Variants in RBFOX1 observed in about 807,000 individuals in gnomAD.
RBFOX1 encodes the protein RNA binding protein fox-1 homolog 1.
A neutral mutation model predicts 57.7 loss-of-function variants in RBFOX1; 8 were observed. The observed-to-expected ratio is 0.14, with a 90% CI of 0.08 to 0.25. RBFOX1 has a LOEUF of 0.25. RBFOX1 is among the 10% of genes least tolerant of loss of function. The pLI is 1.00. For synonymous variants in RBFOX1, 326 were observed against 222.4 expected, an observed-to-expected ratio of 1.47 and a Z score of -4.15; for missense variants, 611 against 548.5, an observed-to-expected ratio of 1.11 and a Z score of -1.14.
chr16:5,944,790 T>TAAAGAAAAAAAAAAAAAAAAAAAAAAAA, intron 4 of RBFOX1, among the ~76,000 whole-genome samples: 1 of 41,258 alleles, frequency 2.4e-5, no homozygotes, highest in Non-Finnish European at 4.8e-5. Flanking sequence ...CTGTCTCTGC[T>TAAAGAAAAAAAAAAAAAAAAAAAAAAAA]AAAAAAAAAA....
At chr16:7,385,297 G>C (rs544539170) in intron 4 of RBFOX1, among the ~76,000 whole-genome samples, 38 of 152,346 alleles carry the variant, frequency 2.5e-4, no homozygotes, top group African/African-American at 8.9e-4. Flanking sequence ...AAGCTGTCTG[G>C]GAGTCCAGGC....
At position 6,019,323 on chromosome 16, in the gene RBFOX1, G is replaced by A. The variant is rs1458829790; in HGVS notation, c.-796G>A. 1.2e-5 allele frequency: 12 copies of A among 985,274 alleles called. No homozygotes were observed. Among genetic ancestry groups the A allele is most frequent in the African/African-American group, 1.8e-5 (1 of 57,118 alleles). The allele number at this position is 985,274 out of a possible 1,614,324, so 61.0% of individuals were successfully genotyped here. On this transcript the variant is annotated 5_prime_UTR_variant, in exon 1 of 16. Coordinates refer to ENST00000550418, the MANE Select transcript of RBFOX1 (RefSeq NM_018723.4). This position sits in a 1 kb window ranked among gnomAD's most constrained non-coding sequence, Gnocchi z 4.2. ...CACCTCCTTTCCAGTCCCCGTGCGA[G>A]CCGCGCTGCCGCCGCCTCCTCCAGC...
intron 4 of RBFOX1, among the ~76,000 whole-genome samples, chr16:7,423,578 C>T (rs1449024202): frequency 6.6e-6 from 1 of 152,114 alleles, no homozygotes; most frequent in African/African-American, 2.4e-5. Context: ...CCTCACACTA[C>T]TGGAAAGGAG....
chr16:7,696,362 T>C (rs1282370360), intron 14 of RBFOX1, among the ~76,000 whole-genome samples: 2 of 152,074 alleles, frequency 1.3e-5, no homozygotes, highest in Non-Finnish European at 2.9e-5. Flanking sequence ...CTTTGATGAG[T>C]TGGATTCTTC....
At chr16:7,206,959 G>T (rs769677399) in intron 4 of RBFOX1, among the ~76,000 whole-genome samples, 1 of 152,172 alleles carries the variant, frequency 6.6e-6, no homozygotes, top group African/African-American at 2.4e-5. Flanking sequence ...CCCACTTACA[G>T]TGCACAGAGC....
At chr16:5,863,562 T>C (rs2057277115) in intron 3 of RBFOX1, among the ~76,000 whole-genome samples, 1 of 152,194 alleles carries the variant, frequency 6.6e-6, no homozygotes, top group Non-Finnish European at 1.5e-5. Flanking sequence ...TGGGTGCACA[T>C]TCATGAATAC....
chr16:7,412,383 C>G (rs912893220), intron 4 of RBFOX1, among the ~76,000 whole-genome samples: 6 of 145,770 alleles, frequency 4.1e-5, no homozygotes, highest in African/African-American at 1.3e-4. Flanking sequence ...CCAGTGCACT[C>G]CAGGCTGGGC....
chr16:7,218,730 G>T (rs2092473629), intron 4 of RBFOX1, among the ~76,000 whole-genome samples: 1 of 140,714 alleles, frequency 7.1e-6, no homozygotes, highest in African/African-American at 2.6e-5. Flanking sequence ...ATCTTAAAGT[G>T]TTTTTTTTTT....
chr16:6,478,448 G>C (rs1382785089), intron 2 of RBFOX1, among the ~76,000 whole-genome samples: 1 of 42,510 alleles, frequency 2.4e-5, no homozygotes, highest in Admixed American at 2.4e-4. Flanking sequence ...TTTTTTTTTT[G>C]TATTTTTAGT....
chr16:6,429,251 C>G (rs1018336292), intron 2 of RBFOX1, among the ~76,000 whole-genome samples: 2 of 152,204 alleles, frequency 1.3e-5, no homozygotes, highest in Non-Finnish European at 2.9e-5. Flanking sequence ...GAGAAAAGGT[C>G]TTGATGAAGG....
intron 3 of RBFOX1, among the ~76,000 whole-genome samples, chr16:5,667,871 T>G (rs1442384019): frequency 1.3e-5 from 2 of 152,186 alleles, no homozygotes; most frequent in Admixed American, 1.3e-4. Flanking sequence ...GGGATGAGCT[T>G]ATTGATGCAG....
At chr16:7,047,414 A>C (rs529048013) in intron 3 of RBFOX1, among the ~76,000 whole-genome samples, 2 of 152,028 alleles carry the variant, frequency 1.3e-5, no homozygotes, top group African/African-American at 2.4e-5. Flanking sequence ...ATTTTGTTTT[A>C]AATCCATAGT....
chr16:6,372,909 TA>T (rs1414390895), intron 2 of RBFOX1, among the ~76,000 whole-genome samples: 1 of 150,198 alleles, frequency 6.7e-6, no homozygotes, highest in Non-Finnish European at 1.5e-5. Context: ...GATGGAAGCG[TA>T]GTTGGTTAGG....
chr16:6,802,163 T>G (rs1156438377), intron 3 of RBFOX1, among the ~76,000 whole-genome samples: 1 of 151,040 alleles, frequency 6.6e-6, no homozygotes, highest in Non-Finnish European at 1.5e-5. Context: ...CTGGGCACAA[T>G]TCTGGGTGGG....
intron 1 of RBFOX1, among the ~76,000 whole-genome samples, chr16:5,382,901 A>G (rs535404121): frequency 7.9e-5 from 12 of 152,316 alleles, no homozygotes; most frequent in Non-Finnish European, 1.8e-4. Flanking sequence ...TCCTTTTATG[A>G]TGACGCAGAG....
intron 1 of RBFOX1, among the ~76,000 whole-genome samples, chr16:5,433,696 C>G (rs1224192265): frequency 1.3e-5 from 2 of 152,170 alleles, no homozygotes; most frequent in East Asian, 1.9e-4. Context: ...ATGAATGAGT[C>G]ATTTGCTGAA....
rs1281820623 is a variant in RBFOX1 at position 6,894,503 on chromosome 16, G to T, written c.-15-157554G>T. 2.6e-5 allele frequency among the ~76,000 whole-genome samples: 4 copies of T among 152,222 alleles called. No individual in the cohort carries two copies. In the South Asian group the frequency reaches 6.2e-4, roughly 24 times the overall value. ...TCCTGGGAATCTGTCTCATGTTTCT[G>T]TTCACACCTGCTCTCCATCCCAACT... On this transcript the variant is annotated intron_variant, in intron 3 of 15. Coordinates refer to ENST00000550418, the MANE Select transcript of RBFOX1 (RefSeq NM_018723.4).
At chr16:7,389,361 G>C (rs1431350391) in intron 4 of RBFOX1, among the ~76,000 whole-genome samples, 1 of 152,116 alleles carries the variant, frequency 6.6e-6, no homozygotes, top group Non-Finnish European at 1.5e-5. Flanking sequence ...CCTGGGCTCA[G>C]GTAGTCCTCC....
chr16:6,578,718 C>T (rs1382739916), intron 2 of RBFOX1, among the ~76,000 whole-genome samples: 1 of 151,496 alleles, frequency 6.6e-6, no homozygotes, highest in Non-Finnish European at 1.5e-5. Flanking sequence ...AGAATATTTT[C>T]CATTTATTTC....
Sources: gnomAD v4.1 joint callset for allele counts (sites outside exome capture counted in the v4.1 genomes callset) on GRCh38, gnomAD v4.1.1 for gene constraint, Gnocchi (gnomAD v3.1) non-coding constraint, MANE v1.5 for transcripts, NCBI Gene and HGNC (gene_info 2026-07-23, HGNC 2026-07-21) for gene names.